CD151: variants seen among roughly 807,000 people sequenced by gnomAD.
CD151 encodes CD151 molecule (Raph blood group).
A neutral mutation model predicts 34.2 loss-of-function variants in CD151; 20 were observed. The observed-to-expected ratio is 0.58, with a 90% CI of 0.41 to 0.85. The LOEUF (loss-of-function observed/expected upper bound fraction) is 0.85. CD151 is among the 40% of genes least tolerant of loss of function. The pLI is 0.00. For missense variants in CD151, 306 were observed against 324.5 expected, an observed-to-expected ratio of 0.94 and a Z score of 0.44; for synonymous variants, 157 against 131.7, an observed-to-expected ratio of 1.19 and a Z score of -1.32.
intron 2 of CD151, chr11:835,195 A>C (rs1423338821): frequency 6.6e-6 from 1 of 152,230 alleles, no homozygotes; most frequent in Non-Finnish European, 1.5e-5. Context: ...GTCTGTGGGC[A>C]CCAGGGGTCT....
intron 4 of CD151, 128 bp from the exon 5 acceptor site, chr11:836,641 A>G: frequency 1.1e-6 from 1 of 941,904 alleles, no homozygotes; most frequent in Admixed American, 2.2e-5. Flanking sequence ...AGAAAGCTTC[A>G]GGGAGGGTGG....
At chr11:837,648 T>G in intron 7 of CD151, 30 bp downstream of exon 7, 2 of 1,575,994 alleles carry the variant, frequency 1.3e-6, no homozygotes, top group Non-Finnish European at 1.7e-6. Context: ...ATGCCTCCAG[T>G]GTCTACGAGG....
chr11:836,100 T>C lies in CD151; in HGVS notation c.31T>C (p.Cys11Arg). The change falls in exon 3 of 9, where the codon TGT (cysteine) becomes CGT (arginine). Residue 11 changes from cysteine (C) to arginine (R), a missense_variant. By Grantham distance (180) the Cys-to-Arg change is radical. Transcript: ENST00000397420. Reference sequence around the variant, plus strand: ...TGAGTTCAACGAGAAGAAGACAACATGTGGCACCGTTTGCCTCAAGTACCT... The same window carrying C: ...TGAGTTCAACGAGAAGAAGACAACACGTGGCACCGTTTGCCTCAAGTACCT... MGEFNEKKTT[C>R]GTVCLKYLLF... 1 of 1,612,902 alleles carries C rather than the reference T, an allele frequency of 6.2e-7. No individual in the cohort carries two copies. The highest frequency in any genetic ancestry group is 8.5e-7 in the Non-Finnish European group (1 of 1,179,820).
At chr11:837,172 C>T (rs942894864) in intron 5 of CD151, 78 bp from the exon 6 acceptor site, 39 of 1,238,492 alleles carry the variant, frequency 3.1e-5, no homozygotes, top group Admixed American at 8.6e-5. Context: ...GCCTCCCCAC[C>T]GGCCATCCTG....
intron 5 of CD151, 197 bp downstream of exon 5, chr11:837,040 A>C (rs1214918483): frequency 4.6e-6 from 3 of 656,654 alleles, no homozygotes; most frequent in East Asian, 2.7e-5. Flanking sequence ...GGGGATCCAG[A>C]AGCTCTCTCT....
intron 4 of CD151, 158 bp downstream of exon 4, chr11:836,600 G>A: frequency 1.2e-6 from 1 of 841,118 alleles, no homozygotes; most frequent in Non-Finnish European, 1.9e-6. Flanking sequence ...CGTTCCTGCT[G>A]GACCAGCTGA....
At position 837,554 on chromosome 11, in the gene CD151, G is replaced by A; in HGVS notation, c.551G>A (p.Cys184Tyr). Residue 184 changes from cysteine to tyrosine, a missense_variant, in exon 7 of 9, where the codon TGC becomes TAC. Physicochemically the swap from Cys to Tyr is radical, Grantham distance 194. Transcript: ENST00000397420. ...GGTGGCCGTGTGGTCCCAGACAGCT[G>A]CTGCAAGACGGTGGTGGCTCTTTGT... Reference protein sequence around the residue: ...EAGGRVVPDSCCKTVVALCGQ... With the variant: ...EAGGRVVPDSYCKTVVALCGQ... The A allele has an allele frequency of 1.9e-6, 3 of 1,613,124 alleles. No homozygotes were observed. The highest frequency in any genetic ancestry group is 1.1e-5 in the South Asian group (1 of 91,074).
rs922288851 is a variant in CD151, at chr11:837,197, C to G, written c.352-53C>G. 7.5e-6 allele frequency: 11 copies of G among 1,473,642 alleles called. No individual in the cohort carries two copies. In the African/African-American group the frequency reaches 1.2e-4, roughly 17 times the overall value. The allele number at this position is 1,473,642 out of a possible 1,614,324, so 91.3% of individuals were successfully genotyped here. A position where few individuals can be genotyped will look rare whatever the true frequency, so the allele number is the denominator to read the frequency against. The stretch of plus-strand genomic sequence containing the variant: ...CGGCCATCCTGGGGCTCTGCCAGCC[C>G]CACCTTGGAAGGTCTTAGACTGAGG... On this transcript the variant is annotated intron_variant, in intron 5 of 8. Transcript: ENST00000397420.
chr11:838,108 T>TA, intron 8 of CD151, 25 bp from the exon 9 acceptor site: 5 of 1,612,046 alleles, frequency 3.1e-6, no homozygotes, highest in Non-Finnish European at 4.2e-6. Flanking sequence ...GACGTCTGCT[T>TA]ACGCCCACCC....
intron 2 of CD151, 31 bp from the exon 3 acceptor site, chr11:836,032 G>A: frequency 7.6e-7 from 1 of 1,320,788 alleles, no homozygotes; most frequent in Non-Finnish European, 1.1e-6. Flanking sequence ...CCGGTGCTGT[G>A]GCCCCGCTGA....
rs750390555 is a variant in CD151 at position 836,087 on chromosome 11, G to A, written c.18G>A (p.Glu6=). 1 of 1,612,502 alleles carries A rather than the reference G, an allele frequency of 6.2e-7. No homozygotes were observed. The highest frequency in any genetic ancestry group is 1.3e-5 in the African/African-American group (1 of 75,032). The part of the protein sequence containing the change: MGEFN[E]KKTTCGTVCL... ...GCCCCAGGATGGGTGAGTTCAACGA[G>A]AAGAAGACAACATGTGGCACCGTTT... The change falls in exon 3 of 9, where the codon GAG becomes GAA. Residue 6 remains glutamate, a synonymous_variant. Transcript: ENST00000397420.
At chr11:833,566 G>A (rs1434614218) in intron 1 of CD151, among the ~76,000 whole-genome samples, 3 of 152,222 alleles carry the variant, frequency 2.0e-5, no homozygotes, top group Admixed American at 6.5e-5. Flanking sequence ...CCGCCCAGGG[G>A]CCTGGTGCAG....
At position 836,191 on chromosome 11, in the gene CD151, C is replaced by T. The variant is rs781668686; in HGVS notation, c.84+38C>T. On this transcript the variant is annotated intron_variant, in intron 3 of 8. Coordinates refer to ENST00000397420, the MANE Select transcript of CD151 (RefSeq NM_004357.5). ...CGCCTTGCCCCCACCCCCACCCCCA[C>T]CCCTCCCGGGCCACCATCAGACCTG... 6.5e-6 allele frequency: 10 copies of T among 1,548,662 alleles called. No individual in the cohort carries two copies. The East Asian group carries it at 1.3e-4, about 21-fold the overall frequency.
rs1396630035 is a variant in CD151 at position 837,552 on chromosome 11, C to T, written c.549C>T (p.Ser183=). 1 of 1,613,120 alleles carries T rather than the reference C, an allele frequency of 6.2e-7. No homozygotes were observed. Reference sequence around the variant, plus strand: ...CCGGTGGCCGTGTGGTCCCAGACAGCTGCTGCAAGACGGTGGTGGCTCTTT... The same window carrying T: ...CCGGTGGCCGTGTGGTCCCAGACAGTTGCTGCAAGACGGTGGTGGCTCTTT... ...QEAGGRVVPD[S]CCKTVVALCG... The change falls in exon 7 of 9, where the codon AGC becomes AGT. Residue 183 remains serine, a synonymous_variant. Transcript: ENST00000397420.
At chr11:836,938 C>A in intron 5 of CD151, 95 bp downstream of exon 5, 5 of 1,060,582 alleles carry the variant, frequency 4.7e-6, no homozygotes, top group East Asian at 2.5e-5. Context: ...CAACCCCCAC[C>A]CCCATGGTCC....
In CD151 at chr11:837,848, G is replaced by A. The variant is rs1004420277; in HGVS notation, c.616-94G>A. 3.0e-5 allele frequency: 30 copies of A among 1,012,420 alleles called. No individual in the cohort carries two copies. The East Asian group carries it at 4.4e-4, about 15-fold the overall frequency. The allele number at this position is 1,012,420 out of a possible 1,614,324, so 62.7% of individuals were successfully genotyped here. A position where few individuals can be genotyped will look rare whatever the true frequency, so the allele number is the denominator to read the frequency against. ...GTGGCCTGGCTGCCTAGGTGCTAGGGGTGGGTTTGGCCACACCCTGGAGGC... is the reference window on the plus strand; with the variant it reads ...GTGGCCTGGCTGCCTAGGTGCTAGGAGTGGGTTTGGCCACACCCTGGAGGC... On this transcript the variant is annotated intron_variant, in intron 7 of 8. Coordinates refer to ENST00000397420, the MANE Select transcript of CD151 (RefSeq NM_004357.5).
chr11:833,201 C>T (rs201103692), intron 1 of CD151, among the ~76,000 whole-genome samples, 175 bp downstream of exon 1: 17 of 18,970 alleles, frequency 9.0e-4, no homozygotes, highest in Middle Eastern at 0.016. Flanking sequence ...CCTGGCCCAG[C>T]TCCCTCGCCT....
At position 836,288 on chromosome 11, in the gene CD151, C is replaced by T. The variant is rs780382052; in HGVS notation, c.122C>T (p.Thr41Met). 3.1e-6 allele frequency: 5 copies of T among 1,612,394 alleles called. No homozygotes were observed. Among genetic ancestry groups the T allele is most frequent in the African/African-American group, 1.3e-5 (1 of 74,868 alleles). The stretch of plus-strand genomic sequence containing the variant: ...GCTGTCATGGCAGTGGGCATCTGGA[C>T]GCTGGCCCTCAAGAGTGACTACATC... ...GLAVMAVGIW[T>M]LALKSDYISL... Residue 41 changes from threonine (T) to methionine (M), a missense_variant, in exon 4 of 9, where the codon ACG becomes ATG. Thr to Met is a moderately conservative substitution (Grantham distance 81, BLOSUM62 -1). Coordinates refer to ENST00000397420, the MANE Select transcript of CD151 (RefSeq NM_004357.5).
chr11:833,752 T>C (rs1458991399), intron 1 of CD151, among the ~76,000 whole-genome samples: 1 of 62,734 alleles, frequency 1.6e-5, no homozygotes, highest in Non-Finnish European at 3.6e-5. Context: ...CCTGGGACCT[T>C]ACAGCCAGGC....
Sources: gnomAD v4.1 joint callset for allele counts (sites outside exome capture counted in the v4.1 genomes callset) on GRCh38, gnomAD v4.1.1 for gene constraint, MANE v1.5 for transcripts, NCBI Gene and HGNC (gene_info 2026-07-23, HGNC 2026-07-21) for gene names.